Variants in C8orf34 observed in about 807,000 individuals in gnomAD.
The protein encoded by C8orf34 is chromosome 8 open reading frame 34.
Under a neutral mutation model 68.3 loss-of-function variants are expected in C8orf34, and 65 were observed. The ratio of observed to expected loss-of-function variants is 0.95; its 90% CI spans 0.78 to 1.17. The LOEUF (loss-of-function observed/expected upper bound fraction) is 1.17. C8orf34 is among the 50% of genes most tolerant of loss of function. C8orf34 has a pLI of 0.00. For synonymous variants in C8orf34, 244 were observed against 241.2 expected (o/e 1.01, Z -0.11); for missense variants, 664 against 655.4 (o/e 1.01, Z -0.14).
intron 7 of C8orf34, among the ~76,000 whole-genome samples, chr8:68,584,687 A>G (rs1031573233): frequency 3.3e-4 from 50 of 152,282 alleles, no homozygotes; most frequent in Admixed American, 2.0e-3. Flanking sequence ...AAAGAGAAAC[A>G]TTGTTTAAAA....
At chr8:68,374,917 T>A (rs1807727284) in intron 1 of C8orf34, among the ~76,000 whole-genome samples, 1 of 152,212 alleles carries the variant, frequency 6.6e-6, no homozygotes, top group Non-Finnish European at 1.5e-5. Flanking sequence ...TCTACCTTAA[T>A]GTGTTGTTGT....
intron 7 of C8orf34, among the ~76,000 whole-genome samples, chr8:68,589,074 G>A (rs1586415547): frequency 6.6e-6 from 1 of 152,122 alleles, no homozygotes; most frequent in South Asian, 2.1e-4. Flanking sequence ...TAATTCCCAA[G>A]GCTATGAACA....
intron 7 of C8orf34, among the ~76,000 whole-genome samples, chr8:68,578,258 G>C (rs921160487): frequency 6.6e-5 from 10 of 151,978 alleles, no homozygotes; most frequent in African/African-American, 2.4e-4. Context: ...TAATATTTAT[G>C]ATGCCAAGAT....
intron 1 of C8orf34, among the ~76,000 whole-genome samples, chr8:68,341,447 T>TA (rs1017045880): frequency 4.6e-5 from 7 of 152,088 alleles, no homozygotes; most frequent in African/African-American, 1.7e-4. Flanking sequence ...ATGGGAAATC[T>TA]AAAAAAACTG....
At chr8:68,714,952 G>A (rs1245251192) in intron 9 of C8orf34, among the ~76,000 whole-genome samples, 1 of 152,102 alleles carries the variant, frequency 6.6e-6, no homozygotes, top group Non-Finnish European at 1.5e-5. Context: ...ACAGAATAGA[G>A]AACCCAGAAA....
At chr8:68,739,060 A>C (rs1395349959) in intron 10 of C8orf34, among the ~76,000 whole-genome samples, 1 of 152,160 alleles carries the variant, frequency 6.6e-6, no homozygotes, top group East Asian at 1.9e-4. Context: ...AAATACTGGC[A>C]AACTGAAACC....
chr8:68,794,476 A>ATATATATATATATATAT (rs1563673872), intron 12 of C8orf34, among the ~76,000 whole-genome samples: 2 of 111,640 alleles, frequency 1.8e-5, no homozygotes, highest in Admixed American at 8.7e-5. Context: ...CCAGTATATA[A>ATATATATATATATATAT]ATATAAATAT....
chr8:68,559,208 G>A (rs878881955), intron 7 of C8orf34, among the ~76,000 whole-genome samples: 1 of 152,178 alleles, frequency 6.6e-6, no homozygotes. Flanking sequence ...AATACAGGTG[G>A]AAGATGATGA....
At chr8:68,496,594 G>A (rs1041385578) in intron 5 of C8orf34, among the ~76,000 whole-genome samples, 10 of 152,268 alleles carry the variant, frequency 6.6e-5, no homozygotes, top group Admixed American at 3.3e-4. Context: ...CTGTCAGGCC[G>A]CTTGACGCTT....
rs1824883906 is a variant in C8orf34, at chr8:68,818,398, G to T, written c.*152G>T. The T allele has an allele frequency of 1.2e-6, 1 of 845,202 alleles. No individual in the cohort carries two copies. The highest frequency in any genetic ancestry group is 1.8e-5 in the South Asian group (1 of 55,678). The allele number at this position is 845,202 out of a possible 1,614,324, so 52.4% of individuals were successfully genotyped here. On this transcript the variant is annotated 3_prime_UTR_variant, in exon 14 of 14. Transcript: ENST00000518698. ...AAACAAGTACTATCGTAGCCAGGGG[G>T]TGCCCAAGTATGTAATCAGAGAACA...
intron 1 of C8orf34, among the ~76,000 whole-genome samples, chr8:68,429,723 C>G (rs1425298492): frequency 6.6e-6 from 1 of 152,210 alleles, no homozygotes; most frequent in African/African-American, 2.4e-5. Context: ...AGTATATGCA[C>G]ATATCATGGG....
chr8:68,336,586 G>A (rs1439017216), intron 1 of C8orf34, among the ~76,000 whole-genome samples: 1 of 152,008 alleles, frequency 6.6e-6, no homozygotes, highest in African/African-American at 2.4e-5. Flanking sequence ...AACAAATATA[G>A]ATTTGTATGT....
chr8:68,473,326 G>A (rs1299104037), intron 4 of C8orf34, among the ~76,000 whole-genome samples: 1 of 152,168 alleles, frequency 6.6e-6, no homozygotes, highest in African/African-American at 2.4e-5. Context: ...AGACTGGTTG[G>A]ACCAGGTGTG....
At chr8:68,751,190 G>A (rs955568620) in intron 10 of C8orf34, among the ~76,000 whole-genome samples, 1 of 152,126 alleles carries the variant, frequency 6.6e-6, no homozygotes, top group Non-Finnish European at 1.5e-5. Context: ...TGGGTAAACT[G>A]GAACAATGAC....
intron 5 of C8orf34, among the ~76,000 whole-genome samples, chr8:68,517,850 C>A (rs188225086): frequency 1.3e-5 from 2 of 152,320 alleles, no homozygotes; most frequent in African/African-American, 2.4e-5. Context: ...AAGCCCAATT[C>A]TGCCCCATAT....
At chr8:68,528,524 C>T (rs1389328029) in intron 6 of C8orf34, among the ~76,000 whole-genome samples, 1 of 152,168 alleles carries the variant, frequency 6.6e-6, no homozygotes, top group Non-Finnish European at 1.5e-5. Flanking sequence ...CTCCTCTTTT[C>T]CTGTTTTACT....
At chr8:68,379,469 C>T (rs1463932237) in intron 1 of C8orf34, among the ~76,000 whole-genome samples, 1 of 152,246 alleles carries the variant, frequency 6.6e-6, no homozygotes, top group Non-Finnish European at 1.5e-5. Flanking sequence ...CCCCGCTCCA[C>T]AGCAGCGCTG....
chr8:68,482,288 C>A (rs1263265087), intron 4 of C8orf34, among the ~76,000 whole-genome samples: 1 of 152,126 alleles, frequency 6.6e-6, no homozygotes, highest in African/African-American at 2.4e-5. Context: ...TCCAATTAAA[C>A]CTCTTTTTGT....
At chr8:68,360,524 A>G (rs1418969885) in intron 1 of C8orf34, among the ~76,000 whole-genome samples, 1 of 152,138 alleles carries the variant, frequency 6.6e-6, no homozygotes, top group Non-Finnish European at 1.5e-5. Flanking sequence ...GCCTCCAGAC[A>G]TCTGGAATTC....
Sources: allele counts gnomAD v4.1 joint callset (sites outside exome capture counted in the v4.1 genomes callset), GRCh38; gene constraint gnomAD v4.1.1; transcripts MANE v1.5; gene names NCBI Gene and HGNC (gene_info 2026-07-23, HGNC 2026-07-21).